Variants in RHBDF1 observed in about 807,000 individuals in gnomAD.
The protein encoded by RHBDF1 is rhomboid 5 homolog 1, also known as inactive rhomboid protein 1.
A neutral mutation model predicts 98.6 loss-of-function variants in RHBDF1; 80 were observed. The ratio of observed to expected loss-of-function variants is 0.81; its 90% CI spans 0.68 to 0.98. RHBDF1 has a LOEUF of 0.98. Among genes scored for constraint, RHBDF1 ranks in the 50% least tolerant of loss-of-function variants. RHBDF1 has a pLI of 0.00. For missense variants in RHBDF1, 1,116 were observed against 1,198.3 expected, an observed-to-expected ratio of 0.93 and a Z score of 1.01; for synonymous variants, 512 against 486.8, an observed-to-expected ratio of 1.05 and a Z score of -0.68.
chr16:64,609 C>T, intron 3 of RHBDF1, 90 bp downstream of exon 3: 1 of 1,545,762 alleles, frequency 6.5e-7, no homozygotes, highest in East Asian at 2.3e-5. Flanking sequence ...ACAAGAGGGC[C>T]CTTGTTCTCA....
At chr16:66,750 C>G (rs1465087475) in intron 1 of RHBDF1, among the ~76,000 whole-genome samples, 1 of 152,232 alleles carries the variant, frequency 6.6e-6, no homozygotes, top group African/African-American at 2.4e-5. Context: ...ACATGGCCCC[C>G]TAAGGCTGAG....
At chr16:68,653 A>G (rs1196628193) in intron 1 of RHBDF1, among the ~76,000 whole-genome samples, 1 of 75,524 alleles carries the variant, frequency 1.3e-5, no homozygotes, top group Non-Finnish European at 5.4e-5. Context: ...GCATCCCAGG[A>G]CCAGCTGGGG....
At chr16:66,491 C>A (rs1897833025) in intron 1 of RHBDF1, among the ~76,000 whole-genome samples, 1 of 152,182 alleles carries the variant, frequency 6.6e-6, no homozygotes, top group African/African-American at 2.4e-5. Context: ...GAGCTCACGG[C>A]TCCTTCCGAC....
intron 1 of RHBDF1, among the ~76,000 whole-genome samples, chr16:65,916 C>G (rs1897817699): frequency 6.6e-6 from 1 of 152,246 alleles, no homozygotes; most frequent in East Asian, 1.9e-4. Flanking sequence ...GCATTGCAAG[C>G]TTGGCTCTAC....
At chr16:61,049 C>T (rs1897593258) in intron 11 of RHBDF1, 71 bp downstream of exon 11, 3 of 1,457,084 alleles carry the variant, frequency 2.1e-6, no homozygotes, top group East Asian at 2.5e-5. Flanking sequence ...ATCACTCTGC[C>T]GAGTCTATCT....
At chr16:64,172 C>T (rs1182095028) in intron 3 of RHBDF1, 2 of 1,074,800 alleles carry the variant, frequency 1.9e-6, no homozygotes, top group Non-Finnish European at 2.6e-6. Context: ...CTTACGGGCC[C>T]AGGCAGGCTG....
At chr16:66,261 A>C (rs1414936432) in intron 1 of RHBDF1, among the ~76,000 whole-genome samples, 1 of 152,008 alleles carries the variant, frequency 6.6e-6, no homozygotes, top group Non-Finnish European at 1.5e-5. Flanking sequence ...TCGGCAACCC[A>C]CCCACCAAGG....
intron 1 of RHBDF1, among the ~76,000 whole-genome samples, chr16:67,254 C>A (rs1218112680): frequency 6.6e-6 from 1 of 152,206 alleles, no homozygotes; most frequent in African/African-American, 2.4e-5. Context: ...GAGTACACTC[C>A]CAGCATGTTC....
chr16:62,965 G>C lies in RHBDF1; in HGVS notation c.672+8C>G, dbSNP rs760203292. ...GCCCCCAACCCCGCCTTTGGCCCCT[G>C]CACCCACTTTCATCAGCGCTGCGGC... is the stretch of plus-strand genomic sequence containing the variant. On this transcript the variant is annotated splice_region_variant and intron_variant, in intron 5 of 17. Transcript: ENST00000262316. 4 of 1,612,122 alleles carry C rather than the reference G, an allele frequency of 2.5e-6. No homozygotes were observed. Among genetic ancestry groups the C allele is most frequent in the Non-Finnish European group, 2.5e-6 (3 of 1,179,308 alleles).
chr16:73,947 C>A (rs1315486506), upstream of RHBDF1: 7 of 985,238 alleles, frequency 7.1e-6, no homozygotes, highest in Non-Finnish European at 8.4e-6. Context: ...GGCAAGATTC[C>A]CCTGCCCATA....
intron 1 of RHBDF1, among the ~76,000 whole-genome samples, chr16:68,235 G>A (rs147823254): frequency 1.3e-5 from 2 of 152,354 alleles, no homozygotes; most frequent in South Asian, 2.1e-4. Context: ...TATAGGTCCT[G>A]CGGGTGGGCA....
chr16:58,974 C>T lies in RHBDF1; in HGVS notation c.2148G>A (p.Glu716=). 1 of 1,613,192 alleles carries T rather than the reference C, an allele frequency of 6.2e-7. No homozygotes were observed. The highest frequency in any genetic ancestry group is 8.5e-7 in the Non-Finnish European group (1 of 1,179,974). Residue 716 remains glutamate, a splice_region_variant and synonymous_variant, in exon 17 of 18, where the codon GAG becomes GAA. Coordinates refer to ENST00000262316, the MANE Select transcript of RHBDF1 (RefSeq NM_022450.5). ...TCCCCACCCTGAGGGCCAGCCTTAC[C>T]TCTGCTCGGTATGGCAGGAAGATGG... ...ASAIFLPYRA[E]VGPAGSQFGI... is the part of the protein sequence containing the mutation.
At chr16:63,491 CAGAG>C (rs1328422159) in intron 4 of RHBDF1, 92 bp downstream of exon 4, 1 of 1,114,924 alleles carries the variant, frequency 9.0e-7, no homozygotes, top group East Asian at 2.4e-5. Flanking sequence ...TGTGAGCTCC[CAGAG>C]AGTCCCTTCT....
intron 3 of RHBDF1, chr16:64,001 T>G: frequency 1.4e-6 from 1 of 726,624 alleles, no homozygotes; most frequent in Non-Finnish European, 2.5e-6. Flanking sequence ...AAGTTTCCAC[T>G]AGACCGCAGC....
At chr16:69,854 C>T (rs949729926) in intron 1 of RHBDF1, among the ~76,000 whole-genome samples, 62 of 152,172 alleles carry the variant, frequency 4.1e-4, no homozygotes, top group African/African-American at 1.5e-3. Context: ...CAGACTGGCA[C>T]CCTGCCTCCC....
Position 58,332 on chromosome 16 carries a change from CA to C in RHBDF1, c.*7del, listed in dbSNP as rs754181823. 173 of 1,605,174 alleles carry C rather than the reference CA, an allele frequency of 1.1e-4. No individual in the cohort carries two copies. In the African/African-American group the frequency reaches 2.2e-3, roughly 21 times the overall value. On this transcript the variant is annotated 3_prime_UTR_variant, in exon 18 of 18. Coordinates refer to ENST00000262316, the MANE Select transcript of RHBDF1 (RefSeq NM_022450.5). Reference sequence around the variant, plus strand: ...TGGAGCACACGGCCGCTGGAGCCCGCAGCCAGCTCAGTGGAGCTGAGCGTCC... The same window carrying C: ...TGGAGCACACGGCCGCTGGAGCCCGCGCCAGCTCAGTGGAGCTGAGCGTCC...
Position 61,147 on chromosome 16 carries a change from G to C in RHBDF1, c.1530C>G (p.Cys510Trp). Residue 510 changes from cysteine to tryptophan, a missense_variant, in exon 11 of 18, where the codon TGC becomes TGG. Coordinates refer to ENST00000262316, the MANE Select transcript of RHBDF1 (RefSeq NM_022450.5). ...AGCACTCCTCCTCCGAGGTCTGCAC[G>C]CAGCCCGACCTGTCGTTGCGCACGC... ...ACCVRNDRSG[C>W]VQTSEEECSS... The C allele has an allele frequency of 1.3e-6, 2 of 1,536,786 alleles. No homozygotes were observed. Among genetic ancestry groups the C allele is most frequent in the Non-Finnish European group, 1.7e-6 (2 of 1,144,370 alleles).
chr16:60,505 T>G lies in RHBDF1; in HGVS notation c.1592A>C (p.His531Pro). Residue 531 changes from histidine to proline, a missense_variant, in exon 12 of 18, where the codon CAT becomes CCT. Physicochemically the swap from His to Pro is moderately conservative, Grantham distance 77. Transcript: ENST00000262316. ...GCCCGCAAGCTCTGGGGCGCTGGGA[T>G]GGATGGGCCACTTCACCCACACTGC... ...TLAVWVKWPI[H>P]PSAPELAGHK... The G allele has an allele frequency of 6.2e-7, 1 of 1,610,758 alleles. No homozygotes were observed. The highest frequency in any genetic ancestry group is 8.5e-7 in the Non-Finnish European group (1 of 1,179,918).
In RHBDF1 at chr16:63,147, A is replaced by G; in HGVS notation, c.498T>C (p.Arg166=). ...IDPLARGRAF[R]VADDTAEGLS... is the part of the protein sequence containing the mutation. ...GGCCTTCCGCAGTGTCATCTGCCACACGGAAGGCACGGCCACGGGCCAGGG... is the reference window on the plus strand; with the variant it reads ...GGCCTTCCGCAGTGTCATCTGCCACGCGGAAGGCACGGCCACGGGCCAGGG... The change falls in exon 5 of 18, where the codon CGT becomes CGC. Residue 166 remains arginine, a synonymous_variant. Coordinates refer to ENST00000262316, the MANE Select transcript of RHBDF1 (RefSeq NM_022450.5). 1 of 1,591,794 alleles carries G rather than the reference A, an allele frequency of 6.3e-7. No individual in the cohort carries two copies. Among genetic ancestry groups the G allele is most frequent in the Non-Finnish European group, 8.5e-7 (1 of 1,170,220 alleles).
Sources: gnomAD v4.1 joint callset for allele counts (sites outside exome capture counted in the v4.1 genomes callset) on GRCh38, gnomAD v4.1.1 for gene constraint, MANE v1.5 for transcripts, NCBI Gene and HGNC (gene_info 2026-07-23, HGNC 2026-07-21) for gene names.